PDK1: variants seen among roughly 807,000 people sequenced by gnomAD.
The protein encoded by PDK1 is [Pyruvate dehydrogenase (acetyl-transferring)] kinase isozyme 1, mitochondrial.
Under a neutral mutation model 54.2 loss-of-function variants are expected in PDK1, and 39 were observed. The observed-to-expected ratio is 0.72, with a 90% CI of 0.56 to 0.94. The LOEUF (loss-of-function observed/expected upper bound fraction) is 0.94, where lower values mean the gene tolerates loss of function less well. PDK1 is among the 40% of genes least tolerant of loss of function. PDK1 has a pLI of 0.00. For synonymous variants in PDK1, 221 were observed against 207.1 expected, an observed-to-expected ratio of 1.07 and a Z score of -0.58; for missense variants, 552 against 566.0, an observed-to-expected ratio of 0.98 and a Z score of 0.25.
chr2:172,654,722 C>T, the PDK1 span, among the ~76,000 whole-genome samples: 5 of 151,886 alleles, frequency 3.3e-5, no homozygotes, highest in Admixed American at 6.6e-5. Flanking sequence ...AACAAATGTG[C>T]GTGTTGTGCA....
chr2:172,635,864 T>C, the PDK1 span, among the ~76,000 whole-genome samples: 2 of 152,122 alleles, frequency 1.3e-5, no homozygotes, highest in Non-Finnish European at 2.9e-5. Context: ...CCCCAATAGC[T>C]CAAAGCCCAC....
At chr2:172,669,025 G>A in the PDK1 span, among the ~76,000 whole-genome samples, 1 of 145,974 alleles carries the variant, frequency 6.9e-6, no homozygotes, top group Non-Finnish European at 1.5e-5. Context: ...CTTCATCCAT[G>A]CTGCTTCAAA....
chr2:172,670,545 T>G, the PDK1 span, among the ~76,000 whole-genome samples: 2 of 152,194 alleles, frequency 1.3e-5, no homozygotes, highest in Non-Finnish European at 2.9e-5. Context: ...TTTATAAATT[T>G]GATTTTAGAC....
At chr2:172,584,646 T>C (rs1016289727) in intron 8 of PDK1, among the ~76,000 whole-genome samples, 1 of 71,622 alleles carries the variant, frequency 1.4e-5, no homozygotes, top group Non-Finnish European at 2.7e-5. Context: ...AGGTACATGC[T>C]TTTTTTTTTT....
downstream of PDK1, among the ~76,000 whole-genome samples, chr2:172,613,051 T>C (rs1691511815): frequency 6.6e-6 from 1 of 152,008 alleles, no homozygotes; most frequent in South Asian, 2.1e-4. Flanking sequence ...ATGTAAAAGG[T>C]TTATTGGAGG....
At chr2:172,556,480 A>G in intron 1 of PDK1, 134 bp downstream of exon 1, 1 of 579,260 alleles carries the variant, frequency 1.7e-6, no homozygotes, top group Non-Finnish European at 2.7e-6. Flanking sequence ...TTCCGCCCCC[A>G]GCGCCTTAGG....
intron 1 of PDK1, 96 bp downstream of exon 1, chr2:172,556,442 C>G: frequency 1.1e-6 from 1 of 877,922 alleles, no homozygotes; most frequent in Non-Finnish European, 1.6e-6. Context: ...CCAGCTCTCG[C>G]CTGAGGCGCA....
the PDK1 span, among the ~76,000 whole-genome samples, chr2:172,681,886 T>A: frequency 1.3e-5 from 2 of 152,164 alleles, no homozygotes; most frequent in African/African-American, 2.4e-5. Context: ...AAACTCCTGA[T>A]AGATGGGACT....
At chr2:172,637,324 TC>T in the PDK1 span, among the ~76,000 whole-genome samples, 1 of 152,174 alleles carries the variant, frequency 6.6e-6, no homozygotes, top group Non-Finnish European at 1.5e-5. Flanking sequence ...TTTCACATGC[TC>T]CCCGCTAAAC....
chr2:172,720,029 A>G, the PDK1 span, among the ~76,000 whole-genome samples: 1 of 151,282 alleles, frequency 6.6e-6, no homozygotes, highest in Admixed American at 6.6e-5. Flanking sequence ...GGCTATTTGT[A>G]TAGGGGTTGA....
chr2:172,622,637 GAT>G, the PDK1 span, among the ~76,000 whole-genome samples: 720 of 142,834 alleles, frequency 5.0e-3, 18 homozygotes, highest in East Asian at 0.045. Context: ...CATTATGTGA[GAT>G]ATGTTTATAT....
the PDK1 span, among the ~76,000 whole-genome samples, chr2:172,684,276 G>A: frequency 6.6e-6 from 1 of 152,070 alleles, no homozygotes; most frequent in South Asian, 2.1e-4. Flanking sequence ...CAAAAAATTA[G>A]CCAGGTGTGG....
At chr2:172,667,082 AT>A in the PDK1 span, among the ~76,000 whole-genome samples, 1 of 152,144 alleles carries the variant, frequency 6.6e-6, no homozygotes. Flanking sequence ...AATAATGTAC[AT>A]TGTACTCATT....
At chr2:172,586,209 A>C in intron 8 of PDK1, 69 bp from the exon 9 acceptor site, 1 of 851,968 alleles carries the variant, frequency 1.2e-6, no homozygotes, top group Admixed American at 1.8e-5. Flanking sequence ...CTGTGATGCT[A>C]TGAGTATGTG....
chr2:172,687,248 T>C, the PDK1 span, among the ~76,000 whole-genome samples: 1 of 152,198 alleles, frequency 6.6e-6, no homozygotes, highest in East Asian at 1.9e-4. Flanking sequence ...TTTATATGTT[T>C]ATTGTCTATA....
chr2:172,656,813 A>C, the PDK1 span, among the ~76,000 whole-genome samples: 1 of 152,180 alleles, frequency 6.6e-6, no homozygotes, highest in African/African-American at 2.4e-5. Flanking sequence ...AAAAATTAAA[A>C]GATAAAATTT....
rs1690980762 is a variant in PDK1 at position 172,598,080 on chromosome 2, A to G, written c.*2111A>G. On this transcript the variant is annotated 3_prime_UTR_variant, in exon 11 of 11. Transcript: ENST00000282077. ...TTAATTATGGATTTTGTGAAAAACA[A>G]TAGAACATGTTAATGAGTAATTTAT... 2.0e-5 allele frequency: 3 copies of G among 152,248 alleles called. No homozygotes were observed. Among genetic ancestry groups the G allele is most frequent in the Admixed American group, 6.5e-5 (1 of 15,278 alleles). 9.4% of individuals were successfully genotyped at this position (152,248 alleles called of 1,614,324 possible).
intron 7 of PDK1, among the ~76,000 whole-genome samples, chr2:172,570,395 A>G (rs1041889787): frequency 6.6e-6 from 1 of 152,340 alleles, no homozygotes; most frequent in Non-Finnish European, 1.5e-5. Flanking sequence ...CTGAAACTAC[A>G]TTTTCAAAAA....
Position 172,596,067 on chromosome 2 carries a change from G to A in PDK1, c.*98G>A, listed in dbSNP as rs1387542481. ...TATTATACCAAGTACTTTATTTATC[G>A]TTTTCACAAAACTATTTGAGTAGAA... On this transcript the variant is annotated 3_prime_UTR_variant, in exon 11 of 11. Transcript: ENST00000282077. The A allele has an allele frequency of 1.8e-5, 19 of 1,028,874 alleles. No individual in the cohort carries two copies. The highest frequency in any genetic ancestry group is 2.2e-4 in the Middle Eastern group (1 of 4,516). The allele number at this position is 1,028,874 out of a possible 1,614,324, so 63.7% of individuals were successfully genotyped here.
Sources: gnomAD v4.1 joint callset for allele counts (sites outside exome capture counted in the v4.1 genomes callset) on GRCh38, gnomAD v4.1.1 for gene constraint, MANE v1.5 for transcripts, NCBI Gene and HGNC (gene_info 2026-07-23, HGNC 2026-07-21) for gene names.